Variants in FOXN4 observed in about 807,000 individuals in gnomAD.
The protein encoded by FOXN4 is forkhead box N4.
In FOXN4, 12 loss-of-function variants were observed where a neutral mutation model predicts 45.0. That is an observed-to-expected ratio of 0.27 (90% CI 0.17 to 0.43). The LOEUF (loss-of-function observed/expected upper bound fraction) is 0.43. Ranked by LOEUF, FOXN4 falls within the 20% of genes least tolerant of loss-of-function variation. The probability of loss-of-function intolerance (pLI) is 1.00; values close to 1 mark genes in which losing one functional copy is unlikely to be tolerated. For synonymous variants in FOXN4, 297 were observed against 295.0 expected, an observed-to-expected ratio of 1.01 and a Z score of -0.07; for missense variants, 560 against 694.9, an observed-to-expected ratio of 0.81 and a Z score of 2.18.
intron 2 of FOXN4, among the ~76,000 whole-genome samples, chr12:109,293,184 C>T (rs2047785114): frequency 6.6e-6 from 1 of 152,168 alleles, no homozygotes; most frequent in South Asian, 2.1e-4. Flanking sequence ...CATCACTGGA[C>T]CCCACCTCTT....
At chr12:109,285,801 GAAGC>G (rs2047704380) in intron 7 of FOXN4, among the ~76,000 whole-genome samples, 1 of 151,996 alleles carries the variant, frequency 6.6e-6, no homozygotes, top group Admixed American at 6.6e-5. Context: ...TCCCATTCAG[GAAGC>G]AAGCAAGGAA....
intron 2 of FOXN4, among the ~76,000 whole-genome samples, chr12:109,304,033 A>G (rs966372137): frequency 2.0e-5 from 3 of 151,794 alleles, no homozygotes; most frequent in African/African-American, 7.3e-5. Flanking sequence ...TCTACTAAAA[A>G]TACAAAAATT....
Position 109,279,376 on chromosome 12 carries a change from C to T in FOXN4, c.*295G>A. ...CACTCAACACGGGCAGGCATTGCGG[C>T]TCAGGCCTCGGAGGAGTGTCAAGGG... On this transcript the variant is annotated 3_prime_UTR_variant, in exon 10 of 10. Transcript: ENST00000299162. 1 of 466,124 alleles carries T rather than the reference C, an allele frequency of 2.1e-6. No individual in the cohort carries two copies. Among genetic ancestry groups the T allele is most frequent in the Non-Finnish European group, 3.9e-6 (1 of 254,686 alleles). 28.9% of individuals were successfully genotyped at this position (466,124 alleles called of 1,614,324 possible).
At chr12:109,289,685 TC>T (rs1324605679) in intron 3 of FOXN4, among the ~76,000 whole-genome samples, 1 of 152,226 alleles carries the variant, frequency 6.6e-6, no homozygotes, top group Non-Finnish European at 1.5e-5. Context: ...TCTCTTGGAA[TC>T]CTCTTGATCA....
chr12:109,305,316 A>G (rs1593790134), intron 2 of FOXN4, among the ~76,000 whole-genome samples: 1 of 152,342 alleles, frequency 6.6e-6, no homozygotes, highest in East Asian at 1.9e-4. Context: ...TTATGCCAAA[A>G]GCCAAGAGCA....
In FOXN4 at chr12:109,290,398, C is replaced by T. The variant is rs984041143; in HGVS notation, c.87-112G>A. 2.3e-5 allele frequency: 31 copies of T among 1,321,568 alleles called. No individual in the cohort carries two copies. The highest frequency in any genetic ancestry group is 3.0e-5 in the Admixed American group (1 of 33,246). 81.9% of individuals were successfully genotyped at this position (1,321,568 alleles called of 1,614,324 possible). The stretch of plus-strand genomic sequence containing the variant: ...TAATGTGCCTCATCTCCCCAAGCCA[C>T]GCCAGCCCTCCAACCTGCCCGTCCC... On this transcript the variant is annotated intron_variant, in intron 2 of 9. Transcript: ENST00000299162. The surrounding 1 kb of genome is among the most constrained non-coding windows in gnomAD (Gnocchi z 5.1).
chr12:109,297,713 G>A lies in FOXN4; in HGVS notation c.87-7427C>T, dbSNP rs1593782872. Among the ~76,000 whole-genome samples the A allele has an allele frequency of 2.6e-5, 4 of 152,242 alleles. No individual in the cohort carries two copies. The South Asian group carries it at 8.3e-4, about 32-fold the overall frequency. On this transcript the variant is annotated intron_variant, in intron 2 of 9. Transcript: ENST00000299162. ...CGAAACCATCCCCCTTCCTTCACCC[G>A]GTCCATGGAAAAATTCTCTTTCACA... is the stretch of plus-strand genomic sequence containing the variant.
rs927505368 is a variant in FOXN4 at position 109,291,089 on chromosome 12, G to A, written c.87-803C>T. ...TGAGCCCTTCAACTCGACCCCTGGT[G>A]GTCCCAAGAGGCTCCAGTTAGGACC... On this transcript the variant is annotated intron_variant, in intron 2 of 9. Coordinates refer to ENST00000299162, the MANE Select transcript of FOXN4 (RefSeq NM_213596.3). This position sits in a 1 kb window ranked among gnomAD's most constrained non-coding sequence, Gnocchi z 6.6. Among the ~76,000 whole-genome samples, 51 of 152,256 alleles carry A rather than the reference G, an allele frequency of 3.3e-4. No homozygotes were observed. Among genetic ancestry groups the A allele is most frequent in the African/African-American group, 1.2e-3 (49 of 41,544 alleles).
intron 2 of FOXN4, among the ~76,000 whole-genome samples, chr12:109,293,520 CAG>C (rs1443428195): frequency 4.6e-5 from 7 of 152,280 alleles, no homozygotes; most frequent in South Asian, 2.1e-4. Flanking sequence ...TTTTTTGAGA[CAG>C]AGTCTCGCTC....
chr12:109,296,167 G>A (rs1053429763), intron 2 of FOXN4, among the ~76,000 whole-genome samples: 1 of 152,230 alleles, frequency 6.6e-6, no homozygotes, highest in Non-Finnish European at 1.5e-5. Flanking sequence ...CAGAGGCACT[G>A]AGCCAGGCTT....
rs1465671602 is a variant in FOXN4, at chr12:109,285,470, C to G, written c.735G>C (p.Leu245=). 6.2e-7 allele frequency: 1 copy of G among 1,614,096 alleles called. No homozygotes were observed. The highest frequency in any genetic ancestry group is 8.5e-7 in the Non-Finnish European group (1 of 1,179,964). The part of the protein sequence containing the change: ...DGWKNSVRHN[L]SLNKCFEKVE... ...CCTTCTCGAAGCACTTGTTCAGAGA[C>G]AGGTTGTGCCGCACCGAGTTCTTCC... The change falls in exon 8 of 10, where the codon CTG becomes CTC. Residue 245 remains leucine, a synonymous_variant. Coordinates refer to ENST00000299162, the MANE Select transcript of FOXN4 (RefSeq NM_213596.3).
chr12:109,290,075 G>T lies in FOXN4; in HGVS notation c.232+66C>A, dbSNP rs1159236511. 3 of 1,459,990 alleles carry T rather than the reference G, an allele frequency of 2.1e-6. No homozygotes were observed. The highest frequency in any genetic ancestry group is 2.7e-6 in the Non-Finnish European group (3 of 1,096,334). 90.4% of individuals were successfully genotyped at this position (1,459,990 alleles called of 1,614,324 possible). On this transcript the variant is annotated intron_variant, in intron 3 of 9. Coordinates refer to ENST00000299162, the MANE Select transcript of FOXN4 (RefSeq NM_213596.3). This position sits in a 1 kb window ranked among gnomAD's most constrained non-coding sequence, Gnocchi z 5.1. ...GTCATGGCTGCACAGTGGGTGGGTG[G>T]CAGGGCTGGGAATCACCCCTCTCCT...
At chr12:109,300,526 C>T (rs901321437) in intron 2 of FOXN4, among the ~76,000 whole-genome samples, 4 of 152,198 alleles carry the variant, frequency 2.6e-5, no homozygotes, top group African/African-American at 9.7e-5. Flanking sequence ...CAGGGACGCA[C>T]TCAGAGCCTG....
At chr12:109,281,879 G>T in intron 8 of FOXN4, 80 bp from the exon 9 acceptor site, 1 of 1,460,776 alleles carries the variant, frequency 6.8e-7, no homozygotes, top group Non-Finnish European at 9.0e-7. Context: ...TCAAATTCCA[G>T]TGTCACCACC....
intron 2 of FOXN4, among the ~76,000 whole-genome samples, chr12:109,304,289 A>G (rs1204725545): frequency 3.9e-5 from 2 of 51,240 alleles, no homozygotes; most frequent in African/African-American, 1.8e-4. Flanking sequence ...GAAAGAAAGA[A>G]AGAAAGGAGA....
chr12:109,291,010 C>G lies in FOXN4; in HGVS notation c.87-724G>C, dbSNP rs1179631489. Among the ~76,000 whole-genome samples the G allele has an allele frequency of 6.6e-6, 1 of 152,114 alleles. No homozygotes were observed. The highest frequency in any genetic ancestry group is 6.5e-5 in the Admixed American group (1 of 15,276). On this transcript the variant is annotated intron_variant, in intron 2 of 9. Coordinates refer to ENST00000299162, the MANE Select transcript of FOXN4 (RefSeq NM_213596.3). This position sits in a 1 kb window ranked among gnomAD's most constrained non-coding sequence, Gnocchi z 6.6. ...GGAGCACCGAGTCACCTGCCCAAGG[C>G]GACACAGAACAGGAGGTGGTGGGGC...
Position 109,288,659 on chromosome 12 carries a change from A to C in FOXN4, c.233-479T>G, listed in dbSNP as rs780709753. On this transcript the variant is annotated intron_variant, in intron 3 of 9. Transcript: ENST00000299162. The surrounding 1 kb of genome is among the most constrained non-coding windows in gnomAD (Gnocchi z 4.3). The stretch of plus-strand genomic sequence containing the variant: ...CTTTGTGCCTCCTCTCCCCTTTGCC[A>C]AGCCCTGCTGCTCCACACAGGATGA... Among the ~76,000 whole-genome samples the C allele has an allele frequency of 1.8e-4, 27 of 152,184 alleles. No homozygotes were observed. The highest frequency in any genetic ancestry group is 3.1e-4 in the Non-Finnish European group (21 of 68,032).
At chr12:109,302,802 TGA>T (rs1470150883) in intron 2 of FOXN4, among the ~76,000 whole-genome samples, 1 of 152,186 alleles carries the variant, frequency 6.6e-6, no homozygotes, top group Non-Finnish European at 1.5e-5. Context: ...AACTCCGCCC[TGA>T]TTACAACAAG....
At position 109,287,409 on chromosome 12, in the gene FOXN4, A is replaced by C. The variant is rs1318158941; in HGVS notation, c.584T>G (p.Ile195Ser). 1 of 1,551,420 alleles carries C rather than the reference A, an allele frequency of 6.4e-7. No individual in the cohort carries two copies. The highest frequency in any genetic ancestry group is 1.2e-5 in the South Asian group (1 of 84,050). Residue 195 changes from isoleucine (I) to serine (S), a missense_variant, in exon 6 of 10, where the codon ATC (isoleucine) becomes AGC (serine). Coordinates refer to ENST00000299162, the MANE Select transcript of FOXN4 (RefSeq NM_213596.3). The surrounding 1 kb of genome is among the most constrained non-coding windows in gnomAD (Gnocchi z 4.1). Reference protein sequence around the residue: ...ELHPKHYPKPIYSYSCLIAMA... With the variant: ...ELHPKHYPKPSYSYSCLIAMA... Reference sequence around the variant, plus strand: ...CCCTGGACCTCACCTGTACGAGTAGATGGGCTTGGGGTAGTGTTTGGGGTG... The same window carrying C: ...CCCTGGACCTCACCTGTACGAGTAGCTGGGCTTGGGGTAGTGTTTGGGGTG...
Sources: allele counts gnomAD v4.1 joint callset (sites outside exome capture counted in the v4.1 genomes callset), GRCh38; gene constraint gnomAD v4.1.1; non-coding constraint Gnocchi (gnomAD v3.1); transcripts MANE v1.5; gene names NCBI Gene and HGNC (gene_info 2026-07-23, HGNC 2026-07-21).